The following PARD3 variants were observed in gnomAD, a reference collection of about 807,000 sequenced individuals.
The protein encoded by PARD3 is partitioning defective 3 homolog.
A neutral mutation model predicts 155.4 loss-of-function variants in PARD3; 75 were observed. The observed-to-expected ratio is 0.48, with a 90% CI of 0.40 to 0.58. The LOEUF (loss-of-function observed/expected upper bound fraction) is 0.58. Ranked by LOEUF, PARD3 falls within the 20% of genes least tolerant of loss-of-function variation. PARD3 has a pLI of 0.00. For synonymous variants in PARD3, 576 were observed against 610.5 expected (o/e 0.94, Z 0.83); for missense variants, 1,642 against 1,721.7 (o/e 0.95, Z 0.82).
chr10:34,129,676 C>CTTTTTT (rs139162678), intron 23 of PARD3, among the ~76,000 whole-genome samples: 2,243 of 119,826 alleles, frequency 0.019, 60 homozygotes, highest in African/African-American at 0.042. Flanking sequence ...TCAAATGTTC[C>CTTTTTT]TTTTTTTTTG....
chr10:34,800,805 CT>C (rs112800255), intron 1 of PARD3, among the ~76,000 whole-genome samples: 4,760 of 152,154 alleles, frequency 0.031, 242 homozygotes, highest in African/African-American at 0.11. Context: ...AATAATGCCC[CT>C]GATAAAAGCA....
At chr10:34,499,258 T>C (rs902383583) in intron 3 of PARD3, among the ~76,000 whole-genome samples, 1 of 152,182 alleles carries the variant, frequency 6.6e-6, no homozygotes, top group Admixed American at 6.6e-5. Flanking sequence ...TCTAGAATAC[T>C]TTGACAATAA....
chr10:34,480,678 T>C (rs1224087325), intron 3 of PARD3, among the ~76,000 whole-genome samples: 1 of 152,138 alleles, frequency 6.6e-6, no homozygotes, highest in African/African-American at 2.4e-5. Flanking sequence ...CTAAGATATA[T>C]CAGTCAGGAA....
rs1036985343 is a variant in PARD3, at chr10:34,572,796, AT to A, written c.223-55638del. Among the ~76,000 whole-genome samples, 683 of 149,922 alleles carry A rather than the reference AT, an allele frequency of 4.6e-3. 4 individuals are homozygous for A. Among genetic ancestry groups the A allele is most frequent in the Non-Finnish European group, 8.0e-3 (539 of 67,334 alleles). On this transcript the variant is annotated intron_variant, in intron 2 of 24. Coordinates refer to ENST00000374788, the MANE Select transcript of PARD3 (RefSeq NM_001184785.2). Reference sequence around the variant, plus strand: ...TCTCTTACGCAGGCCATATGGCCTGATTTTTTTTTTCTTTCTAAAGCTATAG... The same window carrying A: ...TCTCTTACGCAGGCCATATGGCCTGATTTTTTTTTCTTTCTAAAGCTATAG...
intron 3 of PARD3, among the ~76,000 whole-genome samples, chr10:34,496,960 T>C (rs1404106332): frequency 6.6e-6 from 1 of 152,220 alleles, no homozygotes; most frequent in Non-Finnish European, 1.5e-5. Context: ...GTCTGAAATA[T>C]GTTTCAAAAT....
intron 3 of PARD3, among the ~76,000 whole-genome samples, chr10:34,483,852 T>A (rs2079260243): frequency 6.6e-6 from 1 of 152,238 alleles, no homozygotes; most frequent in Non-Finnish European, 1.5e-5. Context: ...AACCCTGTTG[T>A]TCACCATTCA....
intron 12 of PARD3, among the ~76,000 whole-genome samples, chr10:34,371,345 T>C (rs1230330306): frequency 6.6e-6 from 1 of 151,684 alleles, no homozygotes; most frequent in Non-Finnish European, 1.5e-5. Flanking sequence ...ATGTGGAATA[T>C]TCTCAAGGTT....
chr10:34,342,395 T>C (rs555950418), intron 15 of PARD3, among the ~76,000 whole-genome samples: 2 of 152,354 alleles, frequency 1.3e-5, no homozygotes, highest in South Asian at 4.1e-4. Context: ...GCTGGAAATC[T>C]TGGCAAAAGT....
At chr10:34,780,329 A>G (rs531692383) in intron 1 of PARD3, among the ~76,000 whole-genome samples, 1 of 152,348 alleles carries the variant, frequency 6.6e-6, no homozygotes, top group Admixed American at 6.5e-5. Flanking sequence ...GATGTCTTGG[A>G]GATCTATCTC....
intron 23 of PARD3, among the ~76,000 whole-genome samples, chr10:34,129,385 T>C (rs1254837985): frequency 6.6e-6 from 1 of 152,150 alleles, no homozygotes; most frequent in Non-Finnish European, 1.5e-5. Flanking sequence ...ACACCTGGCC[T>C]CAAGTGATTA....
rs1034444745 is a variant in PARD3, at chr10:34,702,737, G to T, written c.121-6318C>A. ...CTATCCATCTAAAGAGAAAAGGCAG[G>T]GGGGAATCTGGCCCAGTCCAGGGAC... On this transcript the variant is annotated intron_variant, in intron 1 of 24. Coordinates refer to ENST00000374788, the MANE Select transcript of PARD3 (RefSeq NM_001184785.2). Among the ~76,000 whole-genome samples, 4 of 152,220 alleles carry T rather than the reference G, an allele frequency of 2.6e-5. No individual in the cohort carries two copies. The South Asian group carries it at 8.3e-4, about 31-fold the overall frequency.
intron 24 of PARD3, among the ~76,000 whole-genome samples, chr10:34,113,431 G>C (rs1407692194): frequency 6.6e-6 from 1 of 152,022 alleles, no homozygotes; most frequent in Non-Finnish European, 1.5e-5. Flanking sequence ...TCAGTATAGA[G>C]AGAAGGAAGC....
At chr10:34,712,770 AGAT>A (rs1318010762) in intron 1 of PARD3, among the ~76,000 whole-genome samples, 1 of 152,066 alleles carries the variant, frequency 6.6e-6, no homozygotes, top group Non-Finnish European at 1.5e-5. Context: ...GGGGACTACT[AGAT>A]GGAGAAGGGA....
intron 4 of PARD3, among the ~76,000 whole-genome samples, chr10:34,454,762 T>G (rs972241435): frequency 1.3e-5 from 2 of 152,314 alleles, no homozygotes; most frequent in African/African-American, 4.8e-5. Context: ...ATGTTCCTGC[T>G]GTGATCAGGG....
At chr10:34,115,925 G>A (rs1176226418) in intron 24 of PARD3, among the ~76,000 whole-genome samples, 1 of 151,992 alleles carries the variant, frequency 6.6e-6, no homozygotes, top group East Asian at 1.9e-4. Flanking sequence ...TGTTAGCCAG[G>A]ATGGTCTCGA....
chr10:34,743,391 T>C (rs1279340805), intron 1 of PARD3, among the ~76,000 whole-genome samples: 1 of 152,200 alleles, frequency 6.6e-6, no homozygotes, highest in Non-Finnish European at 1.5e-5. Flanking sequence ...TTCAGATCAG[T>C]TTCTTTGATT....
At chr10:34,133,540 A>G (rs1947728702) in intron 22 of PARD3, among the ~76,000 whole-genome samples, 1 of 152,244 alleles carries the variant, frequency 6.6e-6, no homozygotes, top group Non-Finnish European at 1.5e-5. Context: ...CAGAATGGAA[A>G]GCTGCAAAGC....
intron 14 of PARD3, among the ~76,000 whole-genome samples, chr10:34,348,549 A>G (rs897629265): frequency 6.6e-6 from 1 of 152,196 alleles, no homozygotes; most frequent in African/African-American, 2.4e-5. Context: ...ATGGTATGTA[A>G]ATACATCTAA....
intron 2 of PARD3, among the ~76,000 whole-genome samples, chr10:34,669,042 A>G (rs1036899056): frequency 1.3e-5 from 2 of 152,194 alleles, no homozygotes; most frequent in Non-Finnish European, 2.9e-5. Context: ...TCTATGAAAA[A>G]CAGCATGGAG....
Sources: allele counts gnomAD v4.1 joint callset (sites outside exome capture counted in the v4.1 genomes callset), GRCh38; gene constraint gnomAD v4.1.1; transcripts MANE v1.5; gene names NCBI Gene and HGNC (gene_info 2026-07-23, HGNC 2026-07-21).